The following DBNDD1 variants were observed in gnomAD, a reference collection of about 807,000 sequenced individuals.
The protein encoded by DBNDD1 is dysbindin domain containing 1.
In DBNDD1, 14 loss-of-function variants were observed where a neutral mutation model predicts 17.0. The ratio of observed to expected loss-of-function variants is 0.82; its 90% confidence interval spans 0.54 to 1.29. DBNDD1 has a LOEUF of 1.29. DBNDD1 is among the 50% of genes most tolerant of loss of function. The pLI, the probability that DBNDD1 is intolerant of heterozygous loss-of-function variation, is 0.00. For missense variants in DBNDD1, 221 were observed against 216.2 expected (o/e 1.02, Z -0.14); for synonymous variants, 105 against 102.0 (o/e 1.03, Z -0.18).
At chr16:90,017,542 A>G (rs1332038733) in intron 1 of DBNDD1, among the ~76,000 whole-genome samples, 9 of 152,194 alleles carry the variant, frequency 5.9e-5, no homozygotes, top group African/African-American at 1.9e-4. Flanking sequence ...ATTATTTATC[A>G]GTGAAATAAT....
chr16:90,011,622 C>T (rs1374439766), intron 1 of DBNDD1: 3 of 454,374 alleles, frequency 6.6e-6, no homozygotes, highest in South Asian at 1.6e-5. Flanking sequence ...CATGGCATGG[C>T]CCGTTTCAGG....
chr16:90,019,461 G>C (rs1044734417), upstream of DBNDD1: 7 of 379,478 alleles, frequency 1.8e-5, no homozygotes, highest in African/African-American at 1.3e-4. This position sits in a 1 kb window ranked among gnomAD's most constrained non-coding sequence, Gnocchi z 6.1. Flanking sequence ...GGCAGCAACC[G>C]GGGGGCCGCG....
intron 1 of DBNDD1, among the ~76,000 whole-genome samples, chr16:90,017,128 T>C (rs1004956377): frequency 6.6e-6 from 1 of 152,272 alleles, no homozygotes; most frequent in African/African-American, 2.4e-5. Flanking sequence ...TGCACCTCCG[T>C]GTTCTGTACA....
intron 2 of DBNDD1, 23 bp downstream of exon 2, chr16:90,009,261 G>A (rs370975201): frequency 2.3e-4 from 374 of 1,610,958 alleles, no homozygotes; most frequent in Non-Finnish European, 3.0e-4. Flanking sequence ...CATAGCGTGC[G>A]CTGGGCAGGG....
rs905703988 is a variant in DBNDD1 at position 90,019,294 on chromosome 16, G to A, written c.31+17C>T. On this transcript the variant is annotated intron_variant, in intron 1 of 3. Transcript: ENST00000002501. This position sits in a 1 kb window ranked among gnomAD's most constrained non-coding sequence, Gnocchi z 6.1. ...GAAGCGCTGCGCGGGGGTCTCGGGG[G>A]CTGGGGCTGAACTCACCTCCGGTGC... The A allele has an allele frequency of 1.6e-5, 20 of 1,213,770 alleles. No individual in the cohort carries two copies. The highest frequency in any genetic ancestry group is 4.1e-5 in the South Asian group (1 of 24,118). The allele number at this position is 1,213,770 out of a possible 1,614,324, so 75.2% of individuals were successfully genotyped here. A position where few individuals can be genotyped will look rare whatever the true frequency, so the allele number is the denominator to read the frequency against.
chr16:90,013,262 TAAAA>T (rs59831191), intron 1 of DBNDD1, among the ~76,000 whole-genome samples: 30 of 49,150 alleles, frequency 6.1e-4, no homozygotes, highest in South Asian at 4.2e-3. Context: ...AACCTTGCCT[TAAAA>T]AAAAAAAAAA....
At chr16:90,013,269 A>AAAAAAAAAAAAAAAAAAAAG (rs1462839238) in intron 1 of DBNDD1, among the ~76,000 whole-genome samples, 1 of 144,096 alleles carries the variant, frequency 6.9e-6, no homozygotes, top group Non-Finnish European at 1.5e-5. Context: ...CCTTAAAAAA[A>AAAAAAAAAAAAAAAAAAAAG]AAAAAAAAAA....
chr16:90,019,460 C>A (rs2035728653), upstream of DBNDD1: 5 of 382,184 alleles, frequency 1.3e-5, no homozygotes, highest in Non-Finnish European at 1.9e-5. This position sits in a 1 kb window ranked among gnomAD's most constrained non-coding sequence, Gnocchi z 6.1. Flanking sequence ...GGGCAGCAAC[C>A]GGGGGGCCGC....
intron 1 of DBNDD1, among the ~76,000 whole-genome samples, chr16:90,014,743 G>A (rs977032896): frequency 2.6e-5 from 4 of 152,158 alleles, no homozygotes; most frequent in Admixed American, 2.0e-4. Context: ...GGTGGCTCAC[G>A]CCTGTAATCC....
At chr16:90,006,614 C>G in intron 3 of DBNDD1, 122 bp from the exon 4 acceptor site, 3 of 1,283,378 alleles carry the variant, frequency 2.3e-6, no homozygotes, top group South Asian at 1.4e-5. Flanking sequence ...GCCCCCTGCA[C>G]CAGGCATGCA....
chr16:90,014,527 CCT>C (rs1442720040), intron 1 of DBNDD1, among the ~76,000 whole-genome samples: 1 of 152,154 alleles, frequency 6.6e-6, no homozygotes, highest in Non-Finnish European at 1.5e-5. Context: ...CCAAGCAGGA[CCT>C]CAGCCAAACA....
chr16:90,011,625 G>A (rs925232591), intron 1 of DBNDD1: 11 of 454,428 alleles, frequency 2.4e-5, no homozygotes, highest in South Asian at 6.2e-5. Context: ...GGCATGGCCC[G>A]TTTCAGGCCT....
At chr16:90,013,601 G>C (rs1701148948) in intron 1 of DBNDD1, among the ~76,000 whole-genome samples, 1 of 152,150 alleles carries the variant, frequency 6.6e-6, no homozygotes, top group Non-Finnish European at 1.5e-5. Context: ...AGGTTCCCTG[G>C]GTCCTGACCT....
intron 1 of DBNDD1, among the ~76,000 whole-genome samples, chr16:90,012,211 A>T (rs1045964791): frequency 6.6e-6 from 1 of 152,234 alleles, no homozygotes; most frequent in Admixed American, 6.5e-5. Flanking sequence ...TGGCTGACCC[A>T]GAGCCCTGAG....
chr16:90,006,441 C>T lies in DBNDD1; in HGVS notation c.371G>A (p.Arg124Lys). The T allele has an allele frequency of 2.5e-6, 4 of 1,602,200 alleles. No homozygotes were observed. The highest frequency in any genetic ancestry group is 2.2e-5 in the South Asian group (2 of 91,046). ...AGYLRSPSWT[R>K]TRAEQSHEKQ... ...CTCGTGGCTCTGCTCAGCCCTTGTC[C>T]TCGTCCAGGAAGGGGAGCGCAGGTA... Residue 124 changes from arginine (R) to lysine (K), a missense_variant, in exon 4 of 4, where the codon AGG becomes AAG. Arg to Lys is a conservative substitution (Grantham distance 26). Coordinates refer to ENST00000002501, the MANE Select transcript of DBNDD1 (RefSeq NM_001042610.3).
At chr16:90,014,375 T>C (rs2035604779) in intron 1 of DBNDD1, among the ~76,000 whole-genome samples, 1 of 152,058 alleles carries the variant, frequency 6.6e-6, no homozygotes, top group Non-Finnish European at 1.5e-5. Context: ...TCCGCCCGCC[T>C]TGGCCTCCCA....
intron 1 of DBNDD1, chr16:90,011,729 C>G (rs756241876): frequency 2.2e-6 from 1 of 451,322 alleles, no homozygotes; most frequent in Non-Finnish European, 4.5e-6. Context: ...CCTAAAGGGT[C>G]AAGTTACTGG....
chr16:90,011,754 C>G (rs577161475), intron 1 of DBNDD1: 271 of 438,014 alleles, frequency 6.2e-4, no homozygotes, highest in Non-Finnish European at 1.2e-3. Context: ...CTGGCCCACC[C>G]CCAAGCCCAG....
rs1357810861 is a variant in DBNDD1, at chr16:90,006,547, T to C, written c.320-55A>G. Reference sequence around the variant, plus strand: ...GTGGCTGAGAGGCCTGGGTGGATGCTGCGGAGCTCCAGGTGCCGCCGGCCT... The same window carrying C: ...GTGGCTGAGAGGCCTGGGTGGATGCCGCGGAGCTCCAGGTGCCGCCGGCCT... On this transcript the variant is annotated intron_variant, in intron 3 of 3. Coordinates refer to ENST00000002501, the MANE Select transcript of DBNDD1 (RefSeq NM_001042610.3). 3.2e-6 allele frequency: 5 copies of C among 1,568,510 alleles called. No individual in the cohort carries two copies. In the African/African-American group the frequency reaches 4.0e-5, roughly 13 times the overall value.
Sources: allele counts gnomAD v4.1 joint callset (sites outside exome capture counted in the v4.1 genomes callset), GRCh38; gene constraint gnomAD v4.1.1; non-coding constraint Gnocchi (gnomAD v3.1); transcripts MANE v1.5; gene names NCBI Gene and HGNC (gene_info 2026-07-23, HGNC 2026-07-21).